The following ROBO2 variants were observed in gnomAD, a reference collection of about 807,000 sequenced individuals.
ROBO2 encodes the protein roundabout guidance receptor 2.
A neutral mutation model predicts 160.8 loss-of-function variants in ROBO2; 53 were observed. The observed-to-expected ratio is 0.33, with a 90% CI of 0.26 to 0.41. ROBO2 has a LOEUF of 0.41. Among genes scored for constraint, ROBO2 ranks in the 10% least tolerant of loss-of-function variants. The pLI is 1.00. For missense variants in ROBO2, 1,577 were observed against 1,722.4 expected (o/e 0.92, Z 1.49); for synonymous variants, 664 against 611.7 (o/e 1.09, Z -1.26).
chr3:76,660,831 G>T (rs13087153), intron 2 of ROBO2, among the ~76,000 whole-genome samples: 23,277 of 152,034 alleles, frequency 0.15, 2,269 homozygotes, highest in Non-Finnish European at 0.22. Flanking sequence ...AGAATTTACA[G>T]CTATTGAATG....
At chr3:77,399,573 G>A (rs2075606185) in intron 2 of ROBO2, among the ~76,000 whole-genome samples, 1 of 152,032 alleles carries the variant, frequency 6.6e-6, no homozygotes, top group Admixed American at 6.6e-5. Flanking sequence ...TTTTGAGGAT[G>A]GAATGGTACC....
intron 2 of ROBO2, among the ~76,000 whole-genome samples, chr3:76,046,597 G>A (rs926261074): frequency 6.6e-6 from 1 of 151,900 alleles, no homozygotes; most frequent in Non-Finnish European, 1.5e-5. Flanking sequence ...GCAGTGAGCC[G>A]AGATCGCGCC....
At chr3:76,811,822 C>CTTCT (rs1206330091) in intron 2 of ROBO2, among the ~76,000 whole-genome samples, 42 of 68,532 alleles carry the variant, frequency 6.1e-4, no homozygotes, top group Admixed American at 1.5e-3. Context: ...TCCTTCCTTC[C>CTTCT]TTCCTTCCTT....
At chr3:77,230,831 T>C (rs1454599923) in intron 2 of ROBO2, among the ~76,000 whole-genome samples, 8 of 152,208 alleles carry the variant, frequency 5.3e-5, no homozygotes, top group African/African-American at 1.9e-4. Context: ...AATTAGACTT[T>C]TTTAATGCAA....
At chr3:76,014,530 TG>T (rs540151454) in intron 2 of ROBO2, among the ~76,000 whole-genome samples, 6 of 58,164 alleles carry the variant, frequency 1.0e-4, no homozygotes, top group Admixed American at 3.6e-4. Flanking sequence ...AATTGGTGAC[TG>T]GGCACGATGG....
At chr3:76,804,394 T>G (rs1338256339) in intron 2 of ROBO2, among the ~76,000 whole-genome samples, 2 of 152,176 alleles carry the variant, frequency 1.3e-5, no homozygotes, top group Non-Finnish European at 2.9e-5. Context: ...AGAAGGAGTG[T>G]GATTCGTAGC....
At chr3:76,794,437 T>G (rs945045338) in intron 2 of ROBO2, among the ~76,000 whole-genome samples, 3 of 152,010 alleles carry the variant, frequency 2.0e-5, no homozygotes, top group African/African-American at 7.2e-5. Context: ...ATTCATAGGA[T>G]TCCTAATTTC....
intron 2 of ROBO2, among the ~76,000 whole-genome samples, chr3:76,680,617 C>G (rs2092535210): frequency 6.6e-6 from 1 of 151,862 alleles, no homozygotes. Context: ...ATAAAATAGT[C>G]TCAATATTTT....
In ROBO2 at chr3:76,166,353, G is replaced by T. The variant is rs1018006033; in HGVS notation, c.109+228751G>T. Reference sequence around the variant, plus strand: ...GTTTGAAAGGCCAGTTTCTTGAATCGTAGGCTTTAATATGTTCATTTTGCT... The same window carrying T: ...GTTTGAAAGGCCAGTTTCTTGAATCTTAGGCTTTAATATGTTCATTTTGCT... On this transcript the variant is annotated intron_variant, in intron 2 of 26. Transcript: ENST00000487694. 2.6e-5 allele frequency among the ~76,000 whole-genome samples: 4 copies of T among 152,202 alleles called. No homozygotes were observed. In the South Asian group the frequency reaches 8.3e-4, roughly 32 times the overall value.
chr3:77,488,504 A>G (rs893348846), intron 4 of ROBO2, among the ~76,000 whole-genome samples: 4 of 152,174 alleles, frequency 2.6e-5, no homozygotes, highest in African/African-American at 7.2e-5. Flanking sequence ...TTTGCTTGTT[A>G]TTCAATAGTT....
At chr3:77,055,266 G>T (rs1035998612) in intron 1 of ROBO2, among the ~76,000 whole-genome samples, 1 of 152,032 alleles carries the variant, frequency 6.6e-6, no homozygotes, top group Non-Finnish European at 1.5e-5. Flanking sequence ...ATATTATAAG[G>T]GATGGTCTTG....
chr3:76,124,741 A>G lies in ROBO2; in HGVS notation c.109+187139A>G, dbSNP rs575680526. On this transcript the variant is annotated intron_variant, in intron 2 of 26. Coordinates refer to the ROBO2 transcript ENST00000487694. ...TAGAAAAATGTTTCAAAAATATCCA[A>G]TGTCTAATATTACATATATTTTTTT... 7.2e-5 allele frequency among the ~76,000 whole-genome samples: 11 copies of G among 152,280 alleles called. No individual in the cohort carries two copies. The East Asian group carries it at 1.9e-3, about 27-fold the overall frequency.
At chr3:77,073,394 GAAATAGTCTCCAT>G (rs372259432) in intron 1 of ROBO2, among the ~76,000 whole-genome samples, 31 of 152,268 alleles carry the variant, frequency 2.0e-4, no homozygotes, top group Middle Eastern at 3.4e-3. Context: ...AATATGCGAG[GAAATAGTCTCCAT>G]AATTGTTTAA....
intron 2 of ROBO2, among the ~76,000 whole-genome samples, chr3:76,026,453 T>G (rs1462118767): frequency 6.6e-6 from 1 of 151,958 alleles, no homozygotes; most frequent in Non-Finnish European, 1.5e-5. Context: ...CTTGAATTAC[T>G]GGAGTGAGGA....
At chr3:76,618,494 A>T in intron 2 of ROBO2, among the ~76,000 whole-genome samples, 1 of 150,748 alleles carries the variant, frequency 6.6e-6, no homozygotes. Context: ...TATATATATA[A>T]TTTTCTCATC....
chr3:77,143,174 CTTTTTTTTTTTTT>C (rs10546673), intron 2 of ROBO2, among the ~76,000 whole-genome samples: 6 of 59,716 alleles, frequency 1.0e-4, no homozygotes, highest in South Asian at 9.6e-4. Flanking sequence ...TAAACAGCAG[CTTTTTTTTTTTTT>C]TTTTTTTTTT....
At chr3:76,816,621 C>T (rs2065688709) in intron 2 of ROBO2, among the ~76,000 whole-genome samples, 1 of 151,884 alleles carries the variant, frequency 6.6e-6, no homozygotes, top group African/African-American at 2.4e-5. Context: ...AAAAACAACT[C>T]AGAGCACTGT....
intron 2 of ROBO2, among the ~76,000 whole-genome samples, chr3:76,121,496 G>C (rs567818302): frequency 1.3e-5 from 2 of 152,220 alleles, no homozygotes; most frequent in East Asian, 3.9e-4. Context: ...ACTGAGGTTA[G>C]ACAATTTCAT....
At chr3:76,178,298 C>T (rs777298443) in intron 2 of ROBO2, among the ~76,000 whole-genome samples, 5 of 151,936 alleles carry the variant, frequency 3.3e-5, no homozygotes, top group Admixed American at 2.0e-4. Context: ...TTTAGATGAG[C>T]GTCATACAGC....
Sources: gnomAD v4.1 joint callset for allele counts (sites outside exome capture counted in the v4.1 genomes callset) on GRCh38, gnomAD v4.1.1 for gene constraint, MANE v1.5 for transcripts, NCBI Gene and HGNC (gene_info 2026-07-23, HGNC 2026-07-21) for gene names.